XYLT1: variants seen among roughly 807,000 people sequenced by gnomAD.
XYLT1 encodes xylosyltransferase 1.
XYLT1 carries 36 observed loss-of-function variants against 91.3 expected under a neutral mutation model. The observed-to-expected ratio is 0.39, with a 90% CI of 0.30 to 0.52. The LOEUF is 0.52. Ranked by LOEUF, XYLT1 falls within the 20% of genes least tolerant of loss-of-function variation. XYLT1 has a pLI of 0.68. For missense variants in XYLT1, 1,242 were observed against 1,284.5 expected (o/e 0.97, Z 0.51); for synonymous variants, 588 against 532.0 (o/e 1.11, Z -1.45).
At chr16:17,467,811 G>A (rs2141966636) in intron 1 of XYLT1, among the ~76,000 whole-genome samples, 1 of 152,292 alleles carries the variant, frequency 6.6e-6, no homozygotes, top group Middle Eastern at 3.4e-3. Context: ...CCAGGACACA[G>A]GTTCCCTCTA....
chr16:17,243,679 C>A (rs57589661), intron 3 of XYLT1, among the ~76,000 whole-genome samples: 2 of 152,182 alleles, frequency 1.3e-5, no homozygotes, highest in African/African-American at 4.8e-5. Context: ...AAGCACAGTT[C>A]TATGTGCTTA....
chr16:17,112,180 T>A (rs918659745), intron 11 of XYLT1, among the ~76,000 whole-genome samples: 6 of 152,230 alleles, frequency 3.9e-5, no homozygotes, highest in African/African-American at 7.2e-5. Flanking sequence ...CAATATTAGC[T>A]TGCGATGCTC....
chr16:17,129,845 C>G (rs533580675), intron 9 of XYLT1, among the ~76,000 whole-genome samples: 25 of 152,304 alleles, frequency 1.6e-4, no homozygotes, highest in Admixed American at 1.6e-3. Flanking sequence ...CATTAATGTC[C>G]CAAATCTCCC....
intron 2 of XYLT1, among the ~76,000 whole-genome samples, chr16:17,356,003 G>A (rs997983327): frequency 1.1e-4 from 16 of 151,848 alleles, no homozygotes; most frequent in African/African-American, 3.9e-4. Context: ...GTTAGCCACC[G>A]TGCCAGGCCC....
rs1265492097 is a variant in XYLT1 at position 17,285,180 on chromosome 16, T to C, written c.403-25682A>G. On this transcript the variant is annotated intron_variant, in intron 2 of 11. Coordinates refer to ENST00000261381, the MANE Select transcript of XYLT1 (RefSeq NM_022166.4). The stretch of plus-strand genomic sequence containing the variant: ...TCTCCGGGGTGTTGCTGGGGAGGGA[T>C]GAGGGAAAATGCACAAGTGATGGGA... Among the ~76,000 whole-genome samples, 5 of 152,054 alleles carry C rather than the reference T, an allele frequency of 3.3e-5. 1 individual carries two copies. The highest frequency in any genetic ancestry group is 7.4e-5 in the Non-Finnish European group (5 of 68,002).
chr16:17,260,030 C>A (rs537320819), intron 2 of XYLT1, among the ~76,000 whole-genome samples: 32 of 143,100 alleles, frequency 2.2e-4, no homozygotes, highest in African/African-American at 8.9e-4. Flanking sequence ...AAACCAGCCG[C>A]AATTTTTTTT....
chr16:17,426,982 T>C (rs973726178), intron 1 of XYLT1, among the ~76,000 whole-genome samples: 6 of 152,006 alleles, frequency 3.9e-5, no homozygotes, highest in African/African-American at 1.2e-4. Context: ...TGAGGCAGGA[T>C]AGAGACAGAG....
At chr16:17,237,171 T>A (rs1317823861) in intron 3 of XYLT1, among the ~76,000 whole-genome samples, 1 of 152,236 alleles carries the variant, frequency 6.6e-6, no homozygotes, top group Non-Finnish European at 1.5e-5. Context: ...CTTCTCAAAC[T>A]TTAATGTCCA....
At chr16:17,454,884 A>C in intron 1 of XYLT1, among the ~76,000 whole-genome samples, 1 of 133,720 alleles carries the variant, frequency 7.5e-6, no homozygotes, top group Non-Finnish European at 1.5e-5. Flanking sequence ...TTCACGCGTC[A>C]CAAAATATCA....
chr16:17,261,318 T>C (rs1383934113), intron 2 of XYLT1, among the ~76,000 whole-genome samples: 4 of 151,358 alleles, frequency 2.6e-5, no homozygotes, highest in African/African-American at 9.7e-5. Context: ...GAATTTCTCC[T>C]ATTTGTTGGA....
chr16:17,239,926 T>C (rs184439252), intron 3 of XYLT1, among the ~76,000 whole-genome samples: 97 of 152,348 alleles, frequency 6.4e-4, no homozygotes, highest in African/African-American at 2.3e-3. Flanking sequence ...CATCTTCTCA[T>C]TCATCCCTCC....
At chr16:17,152,136 A>T (rs561941028) in intron 6 of XYLT1, among the ~76,000 whole-genome samples, 1 of 152,376 alleles carries the variant, frequency 6.6e-6, no homozygotes, top group Admixed American at 6.5e-5. Context: ...AAAAATGCAA[A>T]GAAGAAAATA....
At chr16:17,124,629 C>T (rs967763593) in intron 10 of XYLT1, among the ~76,000 whole-genome samples, 2 of 152,296 alleles carry the variant, frequency 1.3e-5, no homozygotes, top group Admixed American at 6.5e-5. Flanking sequence ...CTTTGAACTT[C>T]TTGTATTTAG....
At chr16:17,310,925 G>A (rs1443930692) in intron 2 of XYLT1, among the ~76,000 whole-genome samples, 1 of 152,100 alleles carries the variant, frequency 6.6e-6, no homozygotes, top group African/African-American at 2.4e-5. Context: ...TCTTTCAGGG[G>A]TCATGTCCCA....
intron 2 of XYLT1, among the ~76,000 whole-genome samples, chr16:17,329,124 C>A (rs2034857947): frequency 6.6e-6 from 1 of 152,190 alleles, no homozygotes; most frequent in Non-Finnish European, 1.5e-5. Flanking sequence ...CGCTGTAGCT[C>A]AAAACAGACA....
At chr16:17,274,680 C>A (rs1278860844) in intron 2 of XYLT1, among the ~76,000 whole-genome samples, 1 of 152,070 alleles carries the variant, frequency 6.6e-6, no homozygotes, top group Non-Finnish European at 1.5e-5. Context: ...ACAGAGAAAG[C>A]AGTTTTCCAG....
chr16:17,132,256 C>T (rs2030511800), intron 9 of XYLT1, among the ~76,000 whole-genome samples: 1 of 152,120 alleles, frequency 6.6e-6, no homozygotes, highest in Non-Finnish European at 1.5e-5. Context: ...AGCCAAGATA[C>T]CGCACATACT....
intron 8 of XYLT1, among the ~76,000 whole-genome samples, chr16:17,138,029 A>AATAAAGAGAAGATGAT (rs1292172615): frequency 1.6e-5 from 2 of 125,532 alleles, no homozygotes; most frequent in Non-Finnish European, 3.2e-5. Flanking sequence ...ATGAAAAGGG[A>AATAAAGAGAAGATGAT]ATAAAGAGAA....
intron 2 of XYLT1, among the ~76,000 whole-genome samples, chr16:17,314,423 T>C (rs1034896848): frequency 1.3e-4 from 20 of 152,078 alleles, no homozygotes; most frequent in African/African-American, 4.8e-4. Context: ...TAGAAACCAC[T>C]AGATTCCAGG....
Sources: gnomAD v4.1 joint callset for allele counts (sites outside exome capture counted in the v4.1 genomes callset) on GRCh38, gnomAD v4.1.1 for gene constraint, MANE v1.5 for transcripts, NCBI Gene and HGNC (gene_info 2026-07-23, HGNC 2026-07-21) for gene names.